PATJ: variants seen among roughly 807,000 people sequenced by gnomAD.
PATJ encodes the protein inaD-like protein.
Under a neutral mutation model 224.9 loss-of-function variants are expected in PATJ, and 190 were observed. The ratio of observed to expected loss-of-function variants is 0.84; its 90% confidence interval spans 0.75 to 0.95. PATJ has a LOEUF of 0.95. Ranked by LOEUF, PATJ falls within the 40% of genes least tolerant of loss-of-function variation. The probability of loss-of-function intolerance (pLI) is 0.00; values close to 1 mark genes in which losing one functional copy is unlikely to be tolerated. For synonymous variants in PATJ, 769 were observed against 820.3 expected (o/e 0.94, Z 1.07); for missense variants, 2,121 against 2,270.3 (o/e 0.93, Z 1.34).
intron 4 of PATJ, among the ~76,000 whole-genome samples, chr1:61,768,545 G>A (rs1308905997): frequency 1.3e-5 from 2 of 151,980 alleles, no homozygotes; most frequent in Non-Finnish European, 2.9e-5. Flanking sequence ...CCTATAAAAT[G>A]CAGCTGGTTC....
chr1:61,953,282 C>T (rs1343638467), intron 27 of PATJ, among the ~76,000 whole-genome samples: 2 of 151,754 alleles, frequency 1.3e-5, no homozygotes, highest in African/African-American at 4.9e-5. Flanking sequence ...CAATTGTTAA[C>T]TCAAGAGTTA....
intron 1 of PATJ, among the ~76,000 whole-genome samples, chr1:61,749,141 ATT>A (rs767004758): frequency 6.6e-5 from 9 of 136,456 alleles, no homozygotes; most frequent in Admixed American, 1.5e-4. Context: ...ACGCCCAGCT[ATT>A]TTTTTTTTTT....
intron 7 of PATJ, among the ~76,000 whole-genome samples, chr1:61,778,961 A>G (rs953567703): frequency 1.3e-5 from 2 of 152,264 alleles, no homozygotes; most frequent in East Asian, 3.9e-4. Context: ...GGCCTCCCAA[A>G]GTGCTAGGAT....
chr1:61,862,083 G>A (rs1282653542), intron 19 of PATJ, among the ~76,000 whole-genome samples: 1 of 152,040 alleles, frequency 6.6e-6, no homozygotes, highest in Non-Finnish European at 1.5e-5. Context: ...GGCTGGTCTT[G>A]AACCCCTGAG....
intron 39 of PATJ, among the ~76,000 whole-genome samples, chr1:62,124,303 G>A (rs550865765): frequency 3.3e-5 from 5 of 152,082 alleles, no homozygotes; most frequent in Admixed American, 6.6e-5. Flanking sequence ...GGCTGGTCTC[G>A]AACTCCTGCC....
chr1:61,750,666 C>T (rs1645273514), intron 1 of PATJ, among the ~76,000 whole-genome samples: 1 of 151,976 alleles, frequency 6.6e-6, no homozygotes, highest in Admixed American at 6.6e-5. Flanking sequence ...GTCTTGAACT[C>T]CCAACCTCAG....
At chr1:61,974,618 G>A (rs968619588) in intron 27 of PATJ, among the ~76,000 whole-genome samples, 3 of 151,710 alleles carry the variant, frequency 2.0e-5, no homozygotes, top group East Asian at 1.9e-4. Flanking sequence ...ACAAACAAAC[G>A]GGCTTTCTGC....
At position 62,018,614 on chromosome 1, in the gene PATJ, A is replaced by C. The variant is rs1188257783; in HGVS notation, c.3959+667A>C. Among the ~76,000 whole-genome samples, 1 of 152,342 alleles carries C rather than the reference A, an allele frequency of 6.6e-6. No individual in the cohort carries two copies. The highest frequency in any genetic ancestry group is 1.5e-5 in the Non-Finnish European group (1 of 68,034). On this transcript the variant is annotated intron_variant, in intron 29 of 43. Transcript: ENST00000642238. This position sits in a 1 kb window ranked among gnomAD's most constrained non-coding sequence, Gnocchi z 4.2. ...TGAATTACTTTTAGGTCATGTACCT[A>C]ACCCTCTATGTTCACTGTAGCTCTG...
chr1:62,037,900 T>C (rs1285723687), intron 29 of PATJ, 77 bp from the exon 30 acceptor site: 7 of 725,960 alleles, frequency 9.6e-6, no homozygotes, highest in Non-Finnish European at 9.1e-6. Flanking sequence ...AACTGAGAAC[T>C]GAGGAAGTAT....
chr1:61,995,467 ATT>A (rs1347218376), intron 28 of PATJ, among the ~76,000 whole-genome samples: 3 of 152,176 alleles, frequency 2.0e-5, no homozygotes, highest in Non-Finnish European at 4.4e-5. Context: ...TTGAGCATAC[ATT>A]GTGGCTTCTT....
Position 61,872,339 on chromosome 1 carries a change from C to T in PATJ, c.2836-2904C>T, listed in dbSNP as rs571666500. Among the ~76,000 whole-genome samples the T allele has an allele frequency of 5.3e-5, 8 of 152,158 alleles. No individual in the cohort carries two copies. In the South Asian group the frequency reaches 6.2e-4, roughly 12 times the overall value. On this transcript the variant is annotated intron_variant, in intron 20 of 43. Coordinates refer to ENST00000642238, the MANE Select transcript of PATJ (RefSeq NM_001350145.3). ...GATATAGTTACATACTTACCCGAGG[C>T]GAGCAAAAATCACCTGGTGACCATG...
chr1:62,104,804 T>C (rs139878993), intron 33 of PATJ, among the ~76,000 whole-genome samples: 2,940 of 152,216 alleles, frequency 0.019, 101 homozygotes, highest in African/African-American at 0.067. Context: ...TCCGAGTAGC[T>C]GGGATTACAG....
At chr1:61,992,305 A>G (rs1480060214) in intron 28 of PATJ, among the ~76,000 whole-genome samples, 1 of 151,898 alleles carries the variant, frequency 6.6e-6, no homozygotes, top group Non-Finnish European at 1.5e-5. Flanking sequence ...TTTAGTAGAG[A>G]TGGGGTTTCT....
chr1:61,797,027 T>G lies in PATJ; in HGVS notation c.1261-260T>G, dbSNP rs556167266. On this transcript the variant is annotated intron_variant, in intron 10 of 43. Transcript: ENST00000642238. ...GTCTGCAGGTGCCTGCCACCACACC[T>G]GGCTAATTTTTGTATGTTTAGTAGA... Among the ~76,000 whole-genome samples, 220 of 152,048 alleles carry G rather than the reference T, an allele frequency of 1.4e-3. 1 individual carries two copies. Among genetic ancestry groups the G allele is most frequent in the Non-Finnish European group, 2.5e-3 (169 of 67,992 alleles).
chr1:62,126,786 C>A (rs1411398946), intron 39 of PATJ, among the ~76,000 whole-genome samples: 2 of 152,094 alleles, frequency 1.3e-5, no homozygotes, highest in Non-Finnish European at 2.9e-5. Flanking sequence ...AACATACTTG[C>A]CAAGTCTGCA....
chr1:61,799,929 C>T (rs1652121562), intron 11 of PATJ, among the ~76,000 whole-genome samples: 1 of 152,102 alleles, frequency 6.6e-6, no homozygotes, highest in Admixed American at 6.6e-5. Flanking sequence ...TGAAACAAAA[C>T]ATAGTTTCAT....
intron 25 of PATJ, among the ~76,000 whole-genome samples, chr1:61,914,233 AT>A (rs1226724817): frequency 2.0e-5 from 3 of 152,204 alleles, no homozygotes; most frequent in African/African-American, 7.2e-5. Flanking sequence ...AGGCGGGCGG[AT>A]CATCTGAGGT....
intron 4 of PATJ, among the ~76,000 whole-genome samples, chr1:61,766,677 T>C (rs1646289721): frequency 6.6e-6 from 1 of 152,224 alleles, no homozygotes; most frequent in Non-Finnish European, 1.5e-5. Context: ...ATAAGGAAAG[T>C]ATCCATGTAT....
chr1:62,102,430 A>G (rs1273984713), intron 33 of PATJ, among the ~76,000 whole-genome samples: 2 of 152,190 alleles, frequency 1.3e-5, no homozygotes, highest in Non-Finnish European at 2.9e-5. Flanking sequence ...TTTGTTTTGA[A>G]CATCAATGTA....
Sources: gnomAD v4.1 joint callset for allele counts (sites outside exome capture counted in the v4.1 genomes callset) on GRCh38, gnomAD v4.1.1 for gene constraint, Gnocchi (gnomAD v3.1) non-coding constraint, MANE v1.5 for transcripts, NCBI Gene and HGNC (gene_info 2026-07-23, HGNC 2026-07-21) for gene names.